FBXO32: variants seen among roughly 807,000 people sequenced by gnomAD.
FBXO32 encodes F-box protein 32, also known as F-box only protein 32.
Under a neutral mutation model 48.3 loss-of-function variants are expected in FBXO32, and 15 were observed. The ratio of observed to expected loss-of-function variants is 0.31; its 90% CI spans 0.21 to 0.48. The LOEUF (loss-of-function observed/expected upper bound fraction) is 0.48, where lower values mean the gene tolerates loss of function less well. FBXO32 is among the 20% of genes least tolerant of loss of function. FBXO32 has a pLI of 0.99. For missense variants in FBXO32, 309 were observed against 432.7 expected (o/e 0.71, Z 2.54); for synonymous variants, 154 against 165.9 (o/e 0.93, Z 0.55).
chr8:123,515,538 C>A (rs1003632457), intron 4 of FBXO32, among the ~76,000 whole-genome samples: 1 of 151,866 alleles, frequency 6.6e-6, no homozygotes, highest in Non-Finnish European at 1.5e-5. Flanking sequence ...CATGAGCCAC[C>A]GCGCCCCGCC....
chr8:123,530,133 G>C lies in FBXO32; in HGVS notation c.372+1765C>G, dbSNP rs150198573. Among the ~76,000 whole-genome samples, 6 of 152,238 alleles carry C rather than the reference G, an allele frequency of 3.9e-5. No homozygotes were observed. The East Asian group carries it at 1.2e-3, about 29-fold the overall frequency. On this transcript the variant is annotated intron_variant, in intron 4 of 8. Transcript: ENST00000517956. ...AGGTCTCTTATTTTTATCCCTTTTG[G>C]ATTGGAAGAAGAGCTTAGCCGAAGA...
chr8:123,512,529 C>A (rs949322680), intron 6 of FBXO32, among the ~76,000 whole-genome samples: 37 of 135,390 alleles, frequency 2.7e-4, no homozygotes, highest in Admixed American at 2.5e-3. Context: ...GTCTTCCTCC[C>A]TTTTTTTTTT....
At chr8:123,507,770 C>T (rs1298856269) in intron 6 of FBXO32, among the ~76,000 whole-genome samples, 2 of 152,120 alleles carry the variant, frequency 1.3e-5, no homozygotes, top group African/African-American at 4.8e-5. Flanking sequence ...TAGACTAGCC[C>T]AGCACAAGCC....
Position 123,513,137 on chromosome 8 carries a change from T to G in FBXO32, c.651+61A>C, listed in dbSNP as rs3739288. ...GGAGTGAATTCAAAGTCTTGGCGAG[T>G]CTGTCCAGTATCCCTGTGGAGGGAC... On this transcript the variant is annotated intron_variant, in intron 6 of 8. Transcript: ENST00000517956. This position sits in a 1 kb window ranked among gnomAD's most constrained non-coding sequence, Gnocchi z 4.3. 0.12 allele frequency: 181,055 copies of G among 1,543,220 alleles called. 13,714 individuals are homozygous for G. The highest frequency in any genetic ancestry group is 0.43 in the East Asian group (19,206 of 44,262).
chr8:123,513,558 G>A lies in FBXO32; in HGVS notation c.467-176C>T, dbSNP rs777521319. 6.6e-6 allele frequency among the ~76,000 whole-genome samples: 1 copy of A among 152,134 alleles called. No homozygotes were observed. The highest frequency in any genetic ancestry group is 1.9e-4 in the East Asian group (1 of 5,188). ...GCTTGGCCAAGCTTCTGCACTTGAGGTTAAAGGGTAGAGTTTCCATTATCT... is the reference window on the plus strand; with the variant it reads ...GCTTGGCCAAGCTTCTGCACTTGAGATTAAAGGGTAGAGTTTCCATTATCT... On this transcript the variant is annotated intron_variant, in intron 5 of 8. Coordinates refer to ENST00000517956, the MANE Select transcript of FBXO32 (RefSeq NM_058229.4). This position sits in a 1 kb window ranked among gnomAD's most constrained non-coding sequence, Gnocchi z 4.3.
At chr8:123,538,407 C>G (rs958132747) in intron 1 of FBXO32, among the ~76,000 whole-genome samples, 1 of 152,164 alleles carries the variant, frequency 6.6e-6, no homozygotes, top group East Asian at 1.9e-4. Flanking sequence ...CTCTGTTTCA[C>G]GGTCCCTCCC....
chr8:123,501,018 C>CA lies in FBXO32; in HGVS notation c.*2354dup, dbSNP rs1319414578. The CA allele has an allele frequency of 6.6e-6, 1 of 152,178 alleles. No individual in the cohort carries two copies. The highest frequency in any genetic ancestry group is 1.5e-5 in the Non-Finnish European group (1 of 68,050). 9.4% of individuals were successfully genotyped at this position (152,178 alleles called of 1,614,324 possible). ...TGTGCACTGCTGACAGTCTAAATGACACCAGTGTCCCAGTTTTGTGCTGAC... is the reference window on the plus strand; with the variant it reads ...TGTGCACTGCTGACAGTCTAAATGACAACCAGTGTCCCAGTTTTGTGCTGAC... On this transcript the variant is annotated 3_prime_UTR_variant, in exon 9 of 9. Coordinates refer to ENST00000517956, the MANE Select transcript of FBXO32 (RefSeq NM_058229.4).
At chr8:123,514,781 G>A (rs1161148974) in intron 4 of FBXO32, among the ~76,000 whole-genome samples, 1 of 152,204 alleles carries the variant, frequency 6.6e-6, no homozygotes, top group Non-Finnish European at 1.5e-5. Flanking sequence ...GCAGCCATGT[G>A]CACTTTTTCC....
At chr8:123,507,648 TCC>T (rs1485392534) in intron 6 of FBXO32, among the ~76,000 whole-genome samples, 1 of 152,184 alleles carries the variant, frequency 6.6e-6, no homozygotes, top group Non-Finnish European at 1.5e-5. Context: ...TTCTGGTACA[TCC>T]CTGAACTTAT....
chr8:123,534,960 A>C, intron 1 of FBXO32, 146 bp from the exon 2 acceptor site: 1 of 543,282 alleles, frequency 1.8e-6, no homozygotes, highest in Non-Finnish European at 3.2e-6. Context: ...TCACTCAAAG[A>C]AAAAAGAGTC....
intron 4 of FBXO32, among the ~76,000 whole-genome samples, chr8:123,531,390 G>A (rs1413072461): frequency 6.6e-6 from 1 of 152,234 alleles, no homozygotes; most frequent in Non-Finnish European, 1.5e-5. Flanking sequence ...AATTCATCCA[G>A]TTTTGTGGCC....
At chr8:123,521,059 A>G (rs1349841483) in intron 4 of FBXO32, among the ~76,000 whole-genome samples, 1 of 152,222 alleles carries the variant, frequency 6.6e-6, no homozygotes, top group Non-Finnish European at 1.5e-5. Flanking sequence ...CATCTTATGC[A>G]AAAACCTCCC....
At chr8:123,505,551 C>T (rs571150518) in intron 7 of FBXO32, among the ~76,000 whole-genome samples, 92 of 152,272 alleles carry the variant, frequency 6.0e-4, no homozygotes, top group African/African-American at 1.7e-3. Context: ...GCCTGGCCAA[C>T]GTGGTGAAAC....
intron 4 of FBXO32, among the ~76,000 whole-genome samples, chr8:123,522,205 C>CTTTTT (rs138504281): frequency 1.7e-5 from 2 of 115,286 alleles, no homozygotes; most frequent in Non-Finnish European, 3.5e-5. Context: ...ATCCTGGTTA[C>CTTTTT]TTTTTTTTTT....
intron 4 of FBXO32, among the ~76,000 whole-genome samples, chr8:123,524,034 A>C (rs1188662450): frequency 6.6e-6 from 1 of 152,230 alleles, no homozygotes; most frequent in Non-Finnish European, 1.5e-5. Flanking sequence ...TTATAAGTGA[A>C]TTTATGAATA....
Position 123,513,053 on chromosome 8 carries a change from C to G in FBXO32, c.651+145G>C, listed in dbSNP as rs1266518622. ...TTCCCTTTATCAGGAGGTCCCCCAG[C>G]CCACCCTCAGCACCAGAACAAAGCA... On this transcript the variant is annotated intron_variant, in intron 6 of 8. Transcript: ENST00000517956. This position sits in a 1 kb window ranked among gnomAD's most constrained non-coding sequence, Gnocchi z 4.3. The G allele has an allele frequency of 3.4e-6, 3 of 889,348 alleles. No individual in the cohort carries two copies. The African/African-American group carries it at 5.1e-5, about 15-fold the overall frequency. The allele number at this position is 889,348 out of a possible 1,614,324, so 55.1% of individuals were successfully genotyped here.
At chr8:123,533,352 A>G (rs1817247062) in intron 2 of FBXO32, 112 bp from the exon 3 acceptor site, 1 of 850,984 alleles carries the variant, frequency 1.2e-6, no homozygotes, top group Non-Finnish European at 1.9e-6. Flanking sequence ...AAAGATAAGG[A>G]GTCTACTGAC....
chr8:123,509,874 G>A (rs1385274941), intron 6 of FBXO32, among the ~76,000 whole-genome samples: 4 of 152,184 alleles, frequency 2.6e-5, no homozygotes, highest in Non-Finnish European at 5.9e-5. Flanking sequence ...GGACAGGCCT[G>A]GGTTCAGTTC....
At chr8:123,537,266 C>G (rs938009042) in intron 1 of FBXO32, among the ~76,000 whole-genome samples, 4 of 151,410 alleles carry the variant, frequency 2.6e-5, no homozygotes, top group Non-Finnish European at 5.9e-5. Flanking sequence ...GCAAAACCAT[C>G]TCAACGAGGC....
Sources: gnomAD v4.1 joint callset for allele counts (sites outside exome capture counted in the v4.1 genomes callset) on GRCh38, gnomAD v4.1.1 for gene constraint, Gnocchi (gnomAD v3.1) non-coding constraint, MANE v1.5 for transcripts, NCBI Gene and HGNC (gene_info 2026-07-23, HGNC 2026-07-21) for gene names.